The following CRISP2 variants were observed in gnomAD, a reference collection of about 807,000 sequenced individuals.
The protein encoded by CRISP2 is cysteine-rich secretory protein 2.
A neutral mutation model predicts 31.7 loss-of-function variants in CRISP2; 29 were observed. The ratio of observed to expected loss-of-function variants is 0.92; its 90% CI spans 0.68 to 1.25. CRISP2 has a LOEUF of 1.25. CRISP2 is among the 50% of genes most tolerant of loss of function. The pLI is 0.00. For missense variants in CRISP2, 318 were observed against 286.5 expected, an observed-to-expected ratio of 1.11 and a Z score of -0.79; for synonymous variants, 111 against 101.4, an observed-to-expected ratio of 1.09 and a Z score of -0.57.
chr6:49,685,270 T>C, the CRISP2 span, among the ~76,000 whole-genome samples: 1 of 152,212 alleles, frequency 6.6e-6, no homozygotes, highest in South Asian at 2.1e-4. Flanking sequence ...TTCCGCCCTT[T>C]GGTGTTACAC....
At chr6:49,677,493 T>G in the CRISP2 span, among the ~76,000 whole-genome samples, 1 of 152,168 alleles carries the variant, frequency 6.6e-6, no homozygotes, top group Non-Finnish European at 1.5e-5. Context: ...TGACAACTAT[T>G]CTCTTCTTTG....
At chr6:49,688,888 G>T (rs1279017370), downstream of CRISP2, among the ~76,000 whole-genome samples, 3 of 151,800 alleles carry the variant, frequency 2.0e-5, no homozygotes, top group East Asian at 1.9e-4. Flanking sequence ...TTTTGGGGGG[G>T]ACTGAGTTTT....
chr6:49,701,193 TG>T (rs1403583443), intron 4 of CRISP2, among the ~76,000 whole-genome samples: 1 of 151,230 alleles, frequency 6.6e-6, no homozygotes, highest in Non-Finnish European at 1.5e-5. Context: ...AGTTCTTTAC[TG>T]GTGATTCCTG....
At chr6:49,694,110 A>G (rs1199341818) in intron 9 of CRISP2, among the ~76,000 whole-genome samples, 1 of 152,182 alleles carries the variant, frequency 6.6e-6, no homozygotes. Flanking sequence ...AAAGGAGCGA[A>G]TAAGTCTCCT....
Position 49,695,923 on chromosome 6 carries a change from C to T in CRISP2, c.517G>A (p.Gly173Ser). 1 of 1,604,678 alleles carries T rather than the reference C, an allele frequency of 6.2e-7. No homozygotes were observed. The highest frequency in any genetic ancestry group is 8.5e-7 in the Non-Finnish European group (1 of 1,173,818). Residue 173 changes from glycine (G) to serine (S), a missense_variant and splice_region_variant, in exon 9 of 10, where the codon GGT (glycine) becomes AGT (serine). Coordinates refer to ENST00000339139, the MANE Select transcript of CRISP2 (RefSeq NM_003296.4). ...GTATTCTTTCTATTCATATTATTAC[C>T]ACTGAAATTTGAAATACATGTCAAA... is the stretch of plus-strand genomic sequence containing the variant. ...YYYVCQYCPA[G>S]NNMNRKNTPY...
At chr6:49,699,578 T>G (rs1174699773) in intron 6 of CRISP2, among the ~76,000 whole-genome samples, 1 of 152,116 alleles carries the variant, frequency 6.6e-6, no homozygotes, top group Non-Finnish European at 1.5e-5. Flanking sequence ...GCTGTACTCA[T>G]GAGCTGGTTG....
intron 4 of CRISP2, among the ~76,000 whole-genome samples, chr6:49,706,322 T>C (rs1767013956): frequency 6.6e-6 from 1 of 152,186 alleles, no homozygotes; most frequent in South Asian, 2.1e-4. Context: ...AGTGAAACCA[T>C]TATACCTATT....
intron 4 of CRISP2, 114 bp downstream of exon 4, chr6:49,709,017 A>G (rs1424832571): frequency 1.2e-6 from 1 of 837,090 alleles, no homozygotes; most frequent in Non-Finnish European, 2.0e-6. Context: ...AGAACTCTGA[A>G]CCAGTGGAAA....
the CRISP2 span, among the ~76,000 whole-genome samples, chr6:49,676,741 G>A: frequency 6.6e-6 from 1 of 151,950 alleles, no homozygotes; most frequent in African/African-American, 2.4e-5. Context: ...TCCATGAAGG[G>A]GTCCTTTAAG....
chr6:49,700,835 T>A (rs1765542567), intron 4 of CRISP2, 51 bp from the exon 5 acceptor site: 1 of 1,154,262 alleles, frequency 8.7e-7, no homozygotes, highest in East Asian at 2.5e-5. Context: ...GTAAATTTCA[T>A]ATAATAGTGA....
At chr6:49,682,118 A>T in the CRISP2 span, among the ~76,000 whole-genome samples, 2 of 152,126 alleles carry the variant, frequency 1.3e-5, no homozygotes, top group African/African-American at 4.8e-5. Context: ...TCTATACTAT[A>T]CTATTTCATC....
intron 4 of CRISP2, among the ~76,000 whole-genome samples, chr6:49,708,129 G>T (rs974925057): frequency 6.6e-6 from 1 of 152,044 alleles, no homozygotes; most frequent in Non-Finnish European, 1.5e-5. Flanking sequence ...TGTTAATTTT[G>T]TATAGGGATC....
At chr6:49,698,234 A>C (rs1193038676) in intron 7 of CRISP2, 128 bp downstream of exon 7, 2 of 1,110,998 alleles carry the variant, frequency 1.8e-6, no homozygotes, top group Admixed American at 5.7e-5. Flanking sequence ...ACAACAGCCA[A>C]ATGCCAAGAC....
At chr6:49,683,199 T>TAAATAAAG in the CRISP2 span, among the ~76,000 whole-genome samples, 1,939 of 148,946 alleles carry the variant, frequency 0.013, 27 homozygotes, top group Admixed American at 0.037. Context: ...AATAAATAAA[T>TAAATAAAG]AGAGACATGC....
chr6:49,693,703 T>C lies in CRISP2; in HGVS notation c.605-803A>G, dbSNP rs1250117166. ...GTCTTCAAGCTCACTGATTCTTCTG[T>C]TTAATGAATTCTGCTGTTGAGACCA... On this transcript the variant is annotated intron_variant, in intron 9 of 9. Transcript: ENST00000339139. Among the ~76,000 whole-genome samples, 4 of 152,216 alleles carry C rather than the reference T, an allele frequency of 2.6e-5. No individual in the cohort carries two copies. The East Asian group carries it at 5.8e-4, about 22-fold the overall frequency.
chr6:49,696,699 T>C (rs1267581101), intron 8 of CRISP2, among the ~76,000 whole-genome samples: 2 of 152,198 alleles, frequency 1.3e-5, no homozygotes, highest in East Asian at 1.9e-4. Context: ...CATTATTCTA[T>C]TGGCCATTAA....
chr6:49,697,652 G>A, intron 8 of CRISP2: 2 of 1,364,356 alleles, frequency 1.5e-6, no homozygotes, highest in Non-Finnish European at 2.0e-6. Flanking sequence ...TGTTAATGAG[G>A]AATGAGAGCT....
chr6:49,699,690 C>T (rs1419502982), intron 6 of CRISP2, 114 bp downstream of exon 6: 1 of 712,104 alleles, frequency 1.4e-6, no homozygotes, highest in African/African-American at 1.8e-5. Context: ...TTCAAAAAGA[C>T]AGCAGTATAA....
rs1768222485 is a variant in CRISP2, at chr6:49,712,584, A to G, written c.-130T>C. ...TTCCTAGAGTGTCTTTAGGAGGGCC[A>G]TGGTGTATAATTTTATAACCCTAGA... On this transcript the variant is annotated 5_prime_UTR_variant, in exon 2 of 10. It removes an upstream start codon present in the reference 5' UTR. Transcript: ENST00000339139. 1 of 152,134 alleles carries G rather than the reference A, an allele frequency of 6.6e-6. No homozygotes were observed. The highest frequency in any genetic ancestry group is 6.5e-5 in the Admixed American group (1 of 15,276). The allele number at this position is 152,134 out of a possible 1,614,324, so 9.4% of individuals were successfully genotyped here.
Sources: allele counts gnomAD v4.1 joint callset (sites outside exome capture counted in the v4.1 genomes callset), GRCh38; gene constraint gnomAD v4.1.1; transcripts MANE v1.5; gene names NCBI Gene and HGNC (gene_info 2026-07-23, HGNC 2026-07-21).